CCDC175: variants seen among roughly 807,000 people sequenced by gnomAD.
CCDC175 encodes the protein coiled-coil domain containing 175.
CCDC175 carries 100 observed loss-of-function variants against 114.6 expected under a neutral mutation model. The ratio of observed to expected loss-of-function variants is 0.87; its 90% confidence interval spans 0.74 to 1.03. CCDC175 has a LOEUF of 1.03. CCDC175 is among the 50% of genes least tolerant of loss of function. CCDC175 has a pLI of 0.00. For missense variants in CCDC175, 880 were observed against 917.8 expected (o/e 0.96, Z 0.53); for synonymous variants, 306 against 308.7 (o/e 0.99, Z 0.09).
intron 19 of CCDC175, chr14:59,510,286 G>A: frequency 8.6e-6 from 2 of 232,698 alleles, no homozygotes; most frequent in Non-Finnish European, 1.7e-5. Flanking sequence ...TATTTTTAAT[G>A]CTAAACTCAG....
At chr14:59,506,036 A>C (rs1030408965) in intron 19 of CCDC175, among the ~76,000 whole-genome samples, 1 of 152,086 alleles carries the variant, frequency 6.6e-6, no homozygotes, top group African/African-American at 2.4e-5. Context: ...AAAAGCTTTG[A>C]GTTTTGGAGC....
chr14:59,571,659 C>G lies in CCDC175; in HGVS notation c.355+1043G>C, dbSNP rs553757333. 4.6e-5 allele frequency among the ~76,000 whole-genome samples: 7 copies of G among 152,240 alleles called. No individual in the cohort carries two copies. The East Asian group carries it at 1.4e-3, about 29-fold the overall frequency. ...GGCAAAGATGTAGAGATACTGGAACCCTTGTGCATTGTTGGTGGAAACACA... is the reference window on the plus strand; with the variant it reads ...GGCAAAGATGTAGAGATACTGGAACGCTTGTGCATTGTTGGTGGAAACACA... On this transcript the variant is annotated intron_variant, in intron 3 of 19. Coordinates refer to ENST00000537690, the MANE Select transcript of CCDC175 (RefSeq NM_001164399.2).
rs543778286 is a variant in CCDC175 at position 59,537,902 on chromosome 14, AG to A, written c.1623+120del. 807 of 623,918 alleles carry A rather than the reference AG, an allele frequency of 1.3e-3. 6 individuals are homozygous for A. In the African/African-American group the frequency reaches 0.013, roughly 10 times the overall value. The allele number at this position is 623,918 out of a possible 1,614,324, so 38.6% of individuals were successfully genotyped here. A position where few individuals can be genotyped will look rare whatever the true frequency, so the allele number is the denominator to read the frequency against. On this transcript the variant is annotated intron_variant, in intron 13 of 19. Transcript: ENST00000537690. ...GAAGAAAGATCCAGAATGAAATTGT[AG>A]CCTCTTTCATACTAGAATATTTATT...
At chr14:59,514,925 G>A (rs905366228) in intron 17 of CCDC175, among the ~76,000 whole-genome samples, 6 of 152,172 alleles carry the variant, frequency 3.9e-5, no homozygotes, top group Admixed American at 2.0e-4. Context: ...AGAAAGGTCG[G>A]GTTACCCACA....
chr14:59,537,238 C>G (rs1375321592), intron 13 of CCDC175, among the ~76,000 whole-genome samples: 3 of 152,104 alleles, frequency 2.0e-5, no homozygotes, highest in African/African-American at 4.8e-5. Flanking sequence ...ATAGAAAGAA[C>G]TGGCTGTCCT....
At chr14:59,561,055 A>G in intron 7 of CCDC175, 64 bp downstream of exon 7, 2 of 760,944 alleles carry the variant, frequency 2.6e-6, no homozygotes, top group Non-Finnish European at 4.2e-6. Flanking sequence ...ATAGCATATT[A>G]ACTATATTAT....
At chr14:59,551,666 G>A (rs12887488) in intron 7 of CCDC175, among the ~76,000 whole-genome samples, 2,520 of 152,258 alleles carry the variant, frequency 0.017, 38 homozygotes, top group Non-Finnish European at 0.029. Flanking sequence ...GAAGCAGGGC[G>A]AGGCATCACC....
intron 17 of CCDC175, among the ~76,000 whole-genome samples, chr14:59,517,401 T>C: frequency 6.6e-6 from 1 of 152,240 alleles, no homozygotes; most frequent in Non-Finnish European, 1.5e-5. Context: ...CAGATGACAT[T>C]ATTGTATATT....
At position 59,510,746 on chromosome 14, in the gene CCDC175, A is replaced by G; in HGVS notation, c.2205T>C (p.Arg735=). Reference sequence around the variant, plus strand: ...CATGCTGCATTTTTTCATCTCTTTCACGCAGCTTGTCTGTTAGATTGTTTA... The same window carrying G: ...CATGCTGCATTTTTTCATCTCTTTCGCGCAGCTTGTCTGTTAGATTGTTTA... The part of the protein sequence containing the change: ...QDINNLTDKL[R]ERDEKMQHVS... The change falls in exon 19 of 20, where the codon CGT becomes CGC. Residue 735 remains arginine (R), a synonymous_variant. Transcript: ENST00000537690. The G allele has an allele frequency of 6.5e-7, 1 of 1,537,308 alleles. No individual in the cohort carries two copies. The highest frequency in any genetic ancestry group is 8.7e-7 in the Non-Finnish European group (1 of 1,146,906).
chr14:59,540,732 A>G lies in CCDC175; in HGVS notation c.1298T>C (p.Val433Ala). 2 of 1,519,448 alleles carry G rather than the reference A, an allele frequency of 1.3e-6. No individual in the cohort carries two copies. The highest frequency in any genetic ancestry group is 1.8e-6 in the Non-Finnish European group (2 of 1,141,714). The allele number at this position is 1,519,448 out of a possible 1,614,324, so 94.1% of individuals were successfully genotyped here. A position where few individuals can be genotyped will look rare whatever the true frequency, so the allele number is the denominator to read the frequency against. Residue 433 changes from valine to alanine, a missense_variant, in exon 11 of 20, where the codon GTG becomes GCG. By Grantham distance (64) the Val-to-Ala change is moderately conservative (BLOSUM62 0). Transcript: ENST00000537690. ...CAGGATTTTGATTTGTTGCTGATAC[A>G]CTGTTTTTGTTGCTCTAAAAAGAAA... The part of the protein sequence containing the change: ...LQELQQATKT[V>A]YQQQIKILSA...
Position 59,543,441 on chromosome 14 carries a change from G to A in CCDC175, c.1186C>T (p.Leu396=). 7.2e-7 allele frequency: 1 copy of A among 1,391,812 alleles called. No homozygotes were observed. Among genetic ancestry groups the A allele is most frequent in the South Asian group, 1.5e-5 (1 of 68,360 alleles). The allele number at this position is 1,391,812 out of a possible 1,614,324, so 86.2% of individuals were successfully genotyped here. The change falls in exon 10 of 20, where the codon CTG becomes TTG. Residue 396 remains leucine, a synonymous_variant. Coordinates refer to ENST00000537690, the MANE Select transcript of CCDC175 (RefSeq NM_001164399.2). ...TATTCTTTCTGAGAAATAAATGTCA[G>A]CTGTTTCTGATTTCTATCATGAAAA... The part of the protein sequence containing the change: ...QKIHDENQKQ[L]TFISQKEYFL...
chr14:59,518,610 A>T (rs1893245700), intron 17 of CCDC175, among the ~76,000 whole-genome samples: 1 of 152,256 alleles, frequency 6.6e-6, no homozygotes, highest in Admixed American at 6.5e-5. Context: ...AATCAAAACC[A>T]CAATGAGATA....
chr14:59,529,515 A>G (rs1956361), intron 14 of CCDC175, among the ~76,000 whole-genome samples: 149,084 of 152,308 alleles, frequency 0.98, 73,043 homozygotes, highest in East Asian at 1. Context: ...GCCACTGCCT[A>G]TGACTTTACA....
intron 19 of CCDC175, among the ~76,000 whole-genome samples, chr14:59,506,318 G>A (rs917673863): frequency 7.9e-5 from 11 of 139,166 alleles, no homozygotes; most frequent in African/African-American, 2.7e-4. Flanking sequence ...ACAGTGTCTC[G>A]CTCTGTCACC....
At chr14:59,519,650 T>C (rs1195911356) in intron 17 of CCDC175, among the ~76,000 whole-genome samples, 1 of 152,252 alleles carries the variant, frequency 6.6e-6, no homozygotes, top group Non-Finnish European at 1.5e-5. Context: ...TGACAGATTG[T>C]ATTTTCCAAA....
chr14:59,515,982 G>A (rs1594982440), intron 17 of CCDC175, among the ~76,000 whole-genome samples: 1 of 152,170 alleles, frequency 6.6e-6, no homozygotes, highest in African/African-American at 2.4e-5. Context: ...AGAACACAGT[G>A]CAATCAAACT....
chr14:59,554,556 C>T (rs1353896225), intron 7 of CCDC175, among the ~76,000 whole-genome samples: 1 of 152,220 alleles, frequency 6.6e-6, no homozygotes, highest in East Asian at 1.9e-4. Flanking sequence ...ATTAAAAGAA[C>T]TAGAGAAGCA....
At position 59,538,793 on chromosome 14, in the gene CCDC175, C is replaced by T. The variant is rs527522644; in HGVS notation, c.1403G>A (p.Arg468His). Reference protein sequence around the residue: ...KMACLRKKHARWTAKIKAEIQ... With the variant: ...KMACLRKKHAHWTAKIKAEIQ... ...TTCAGCTTTTATCTTGGCTGTCCAACGTGCATGCTTTTTTCTCAAGCAAGC... is the reference window on the plus strand; with the variant it reads ...TTCAGCTTTTATCTTGGCTGTCCAATGTGCATGCTTTTTTCTCAAGCAAGC... The change falls in exon 12 of 20, where the codon CGT becomes CAT. Residue 468 changes from arginine to histidine, a missense_variant. Arg to His is a conservative substitution (Grantham distance 29, BLOSUM62 0). Coordinates refer to ENST00000537690, the MANE Select transcript of CCDC175 (RefSeq NM_001164399.2). 2.9e-5 allele frequency: 45 copies of T among 1,536,824 alleles called. No individual in the cohort carries two copies. The highest frequency in any genetic ancestry group is 1.7e-4 in the East Asian group (7 of 40,884).
At chr14:59,575,488 C>T (rs1897057345) in intron 1 of CCDC175, among the ~76,000 whole-genome samples, 1 of 135,852 alleles carries the variant, frequency 7.4e-6, no homozygotes, top group South Asian at 2.5e-4. Context: ...TTTAGGTCTC[C>T]TCAGTGGGTA....
Sources: allele counts gnomAD v4.1 joint callset (sites outside exome capture counted in the v4.1 genomes callset), GRCh38; gene constraint gnomAD v4.1.1; transcripts MANE v1.5; gene names NCBI Gene and HGNC (gene_info 2026-07-23, HGNC 2026-07-21).